CMSS1: variants seen among roughly 807,000 people sequenced by gnomAD.
The protein encoded by CMSS1 is cms1 ribosomal small subunit homolog, also known as protein CMSS1.
In CMSS1, 33 loss-of-function variants were observed where a neutral mutation model predicts 43.5. The observed-to-expected ratio is 0.76, with a 90% confidence interval of 0.57 to 1.01. The LOEUF (loss-of-function observed/expected upper bound fraction) is 1.01. Among genes scored for constraint, CMSS1 ranks in the 50% least tolerant of loss-of-function variants. CMSS1 has a pLI of 0.00. For synonymous variants in CMSS1, 115 were observed against 117.2 expected (o/e 0.98, Z 0.12); for missense variants, 313 against 326.4 (o/e 0.96, Z 0.32).
At chr3:99,959,341 G>T (rs930853763) in intron 1 of CMSS1, among the ~76,000 whole-genome samples, 2 of 152,184 alleles carry the variant, frequency 1.3e-5, no homozygotes, top group African/African-American at 4.8e-5. Flanking sequence ...GCAGAGGCGG[G>T]GTTTCGCCAT....
rs138750432 is a variant in CMSS1 at position 99,958,392 on chromosome 3, G to A, written c.64+140349G>A. Among the ~76,000 whole-genome samples the A allele has an allele frequency of 2.6e-3, 398 of 152,152 alleles. 2 individuals are homozygous for A. The highest frequency in any genetic ancestry group is 4.9e-3 in the Non-Finnish European group (331 of 68,000). On this transcript the variant is annotated intron_variant, in intron 1 of 9. Coordinates refer to ENST00000421999, the MANE Select transcript of CMSS1 (RefSeq NM_032359.4). ...AGAGAACTAGGGCCTGTTAATGCCA[G>A]CCATGAAAAAGCTGCTACAGTGGGC... is the stretch of plus-strand genomic sequence containing the variant.
chr3:100,167,700 C>A, intron 5 of CMSS1, 38 bp from the exon 6 acceptor site: 1 of 1,422,682 alleles, frequency 7.0e-7, no homozygotes, highest in Non-Finnish European at 9.8e-7. Flanking sequence ...CCCTGTTTTG[C>A]CATATTTCAA....
chr3:100,004,892 T>C (rs1709945286), intron 1 of CMSS1, among the ~76,000 whole-genome samples: 1 of 152,206 alleles, frequency 6.6e-6, no homozygotes, highest in African/African-American at 2.4e-5. Flanking sequence ...TATTGGTGTC[T>C]GTTGGCAAGC....
chr3:100,003,355 T>C (rs1186836362), intron 1 of CMSS1, among the ~76,000 whole-genome samples: 3 of 152,244 alleles, frequency 2.0e-5, no homozygotes, highest in Non-Finnish European at 4.4e-5. Context: ...TGCCCAGCAC[T>C]GTCAGGGTTT....
intron 1 of CMSS1, among the ~76,000 whole-genome samples, chr3:100,052,376 C>CTT (rs2065389053): frequency 2.0e-5 from 3 of 152,332 alleles, no homozygotes; most frequent in East Asian, 3.9e-4. Context: ...CCAGGGGGAA[C>CTT]TTTTGTTCCA....
At position 99,911,696 on chromosome 3, in the gene CMSS1, C is replaced by T. The variant is rs115901239; in HGVS notation, c.64+93653C>T. Among the ~76,000 whole-genome samples the T allele has an allele frequency of 4.1e-3, 619 of 152,328 alleles. 3 individuals are homozygous for T. Among genetic ancestry groups the T allele is most frequent in the Non-Finnish European group, 7.8e-3 (530 of 68,028 alleles). On this transcript the variant is annotated intron_variant, in intron 1 of 9. Coordinates refer to ENST00000421999, the MANE Select transcript of CMSS1 (RefSeq NM_032359.4). ...ACCTTCACATTCGCTCCCTGCAGAG[C>T]TAATCCATCTTTCTAATCAGATCCT...
chr3:100,021,940 TGTGTGTGTGTGTGTGTGTGTGAGA>T (rs1388398844), intron 1 of CMSS1, among the ~76,000 whole-genome samples: 4 of 127,346 alleles, frequency 3.1e-5, no homozygotes, highest in Admixed American at 1.7e-4. Flanking sequence ...TGTGTGTGTG[TGTGTGTGTGTGTGTGTGTGTGAGA>T]GAGAGAGAGA....
At chr3:100,100,572 C>T (rs185618156) in intron 1 of CMSS1, among the ~76,000 whole-genome samples, 4 of 152,200 alleles carry the variant, frequency 2.6e-5, no homozygotes, top group Admixed American at 2.6e-4. Flanking sequence ...CAGAGAGATT[C>T]AGAGCACACC....
chr3:99,872,058 TCTC>T (rs751074703), intron 1 of CMSS1, among the ~76,000 whole-genome samples: 18 of 152,120 alleles, frequency 1.2e-4, no homozygotes, highest in African/African-American at 3.6e-4. Flanking sequence ...GGGCTTCTGT[TCTC>T]CTCTCTTCCT....
chr3:100,058,816 A>G (rs1039469340), intron 1 of CMSS1, among the ~76,000 whole-genome samples: 2 of 152,214 alleles, frequency 1.3e-5, no homozygotes, highest in African/African-American at 4.8e-5. Flanking sequence ...TTCTGGAGCC[A>G]CAGTTTCATA....
chr3:99,862,069 T>C (rs1428013763), intron 1 of CMSS1, among the ~76,000 whole-genome samples: 1 of 151,866 alleles, frequency 6.6e-6, no homozygotes, highest in Non-Finnish European at 1.5e-5. Context: ...ACTAAAAGAG[T>C]AGGTTTTAGA....
At chr3:99,830,459 T>A (rs1047675830) in intron 1 of CMSS1, 2 of 456,326 alleles carry the variant, frequency 4.4e-6, no homozygotes. Flanking sequence ...AGGTGACAGT[T>A]CTCACGATGT....
intron 1 of CMSS1, among the ~76,000 whole-genome samples, chr3:99,979,601 T>C (rs1709062862): frequency 6.6e-6 from 1 of 152,152 alleles, no homozygotes; most frequent in Admixed American, 6.6e-5. Flanking sequence ...TAGAAAATGG[T>C]TTTTTAAAGA....
chr3:100,155,296 T>C (rs997917939), intron 2 of CMSS1, among the ~76,000 whole-genome samples: 3 of 152,218 alleles, frequency 2.0e-5, no homozygotes, highest in Non-Finnish European at 2.9e-5. Flanking sequence ...AGAAAGAAGC[T>C]ATAACCATCC....
chr3:99,853,147 T>C (rs1242465484), intron 1 of CMSS1, among the ~76,000 whole-genome samples: 1 of 152,214 alleles, frequency 6.6e-6, no homozygotes, highest in East Asian at 1.9e-4. Context: ...ATGGGACTTC[T>C]CAACCCAGTG....
At chr3:99,824,621 TCTG>T (rs1942504491) in intron 1 of CMSS1, among the ~76,000 whole-genome samples, 1 of 152,248 alleles carries the variant, frequency 6.6e-6, no homozygotes, top group African/African-American at 2.4e-5. Flanking sequence ...AGAACCTTGA[TCTG>T]CTGGCAGATT....
chr3:100,136,424 C>T (rs531635897), intron 1 of CMSS1, among the ~76,000 whole-genome samples: 2 of 152,288 alleles, frequency 1.3e-5, no homozygotes, highest in East Asian at 1.9e-4. Context: ...GGCTGAGGGC[C>T]GAACTTGCCT....
chr3:99,826,560 T>C (rs1337491718), intron 1 of CMSS1, among the ~76,000 whole-genome samples: 1 of 152,186 alleles, frequency 6.6e-6, no homozygotes, highest in African/African-American at 2.4e-5. Flanking sequence ...TCACAGTGGG[T>C]TGAATTTGGC....
chr3:99,974,727 CA>C (rs1576612668), intron 1 of CMSS1, among the ~76,000 whole-genome samples: 1 of 152,186 alleles, frequency 6.6e-6, no homozygotes, highest in East Asian at 1.9e-4. Context: ...ACAACAACAA[CA>C]ACAACAAAAA....
Sources: gnomAD v4.1 joint callset for allele counts (sites outside exome capture counted in the v4.1 genomes callset) on GRCh38, gnomAD v4.1.1 for gene constraint, MANE v1.5 for transcripts, NCBI Gene and HGNC (gene_info 2026-07-23, HGNC 2026-07-21) for gene names.